ROBO1: variants seen among roughly 807,000 people sequenced by gnomAD.
The protein encoded by ROBO1 is roundabout homolog 1.
ROBO1 carries 149 observed loss-of-function variants against 195.9 expected under a neutral mutation model. The ratio of observed to expected loss-of-function variants is 0.76; its 90% CI spans 0.67 to 0.87. The LOEUF is 0.87. ROBO1 is among the 40% of genes least tolerant of loss of function. ROBO1 has a pLI of 0.00. For missense variants in ROBO1, 1,933 were observed against 2,068.3 expected (o/e 0.93, Z 1.27); for synonymous variants, 816 against 733.2 (o/e 1.11, Z -1.82).
At chr3:79,748,662 T>G (rs531725292) in intron 1 of ROBO1, among the ~76,000 whole-genome samples, 1 of 152,132 alleles carries the variant, frequency 6.6e-6, no homozygotes, top group South Asian at 2.1e-4. Context: ...GGGAGGTGAT[T>G]GAATTATGGG....
intron 4 of ROBO1, among the ~76,000 whole-genome samples, chr3:78,767,160 T>C (rs890280026): frequency 3.9e-5 from 6 of 152,182 alleles, no homozygotes; most frequent in Non-Finnish European, 8.8e-5. Context: ...GTTCCTTCTT[T>C]TTCTGTCTTG....
At chr3:78,953,277 C>A (rs887264601) in intron 3 of ROBO1, among the ~76,000 whole-genome samples, 1 of 151,978 alleles carries the variant, frequency 6.6e-6, no homozygotes, top group East Asian at 1.9e-4. Flanking sequence ...TTGAAGCTGG[C>A]TAGCTGAGTT....
chr3:79,364,126 C>G (rs570006828), intron 2 of ROBO1, among the ~76,000 whole-genome samples: 5 of 151,780 alleles, frequency 3.3e-5, no homozygotes, highest in Non-Finnish European at 7.4e-5. Context: ...ATGGCGTGAA[C>G]CCGGGAGGCG....
At chr3:79,250,232 A>G (rs1382043160) in intron 2 of ROBO1, among the ~76,000 whole-genome samples, 1 of 152,230 alleles carries the variant, frequency 6.6e-6, no homozygotes, top group Non-Finnish European at 1.5e-5. Context: ...TAAGGAGCAC[A>G]GTAATGGTCA....
chr3:78,662,466 T>G (rs543102650), intron 14 of ROBO1, among the ~76,000 whole-genome samples: 1 of 152,280 alleles, frequency 6.6e-6, no homozygotes, highest in African/African-American at 2.4e-5. Context: ...TCCCTGAGTT[T>G]GTGAAAACCT....
intron 2 of ROBO1, among the ~76,000 whole-genome samples, chr3:79,536,634 TTATATC>T (rs1941876378): frequency 1.3e-5 from 2 of 152,208 alleles, no homozygotes; most frequent in South Asian, 4.1e-4. Flanking sequence ...CAGTAAAAGT[TTATATC>T]TATATTAGTG....
chr3:79,141,412 T>C (rs1316397874), intron 2 of ROBO1, among the ~76,000 whole-genome samples: 5 of 152,148 alleles, frequency 3.3e-5, no homozygotes, highest in South Asian at 2.1e-4. Context: ...CTTTTGATTA[T>C]TGGGGTCATT....
intron 1 of ROBO1, among the ~76,000 whole-genome samples, chr3:79,757,707 C>G (rs983416487): frequency 6.6e-6 from 1 of 151,882 alleles, no homozygotes; most frequent in Non-Finnish European, 1.5e-5. Flanking sequence ...ATAATAGTCA[C>G]CCTAATGGAA....
intron 2 of ROBO1, among the ~76,000 whole-genome samples, chr3:79,206,271 A>G (rs962550943): frequency 6.6e-6 from 1 of 152,082 alleles, no homozygotes; most frequent in Non-Finnish European, 1.5e-5. Context: ...AGTAATCATT[A>G]TTTTACTTAA....
chr3:79,337,551 C>T (rs2034729838), intron 2 of ROBO1, among the ~76,000 whole-genome samples: 1 of 152,188 alleles, frequency 6.6e-6, no homozygotes, highest in Admixed American at 6.5e-5. Context: ...CTATTTGGAA[C>T]TGTGAGTCAA....
intron 2 of ROBO1, among the ~76,000 whole-genome samples, chr3:79,347,374 A>T (rs2035162888): frequency 6.6e-6 from 1 of 152,176 alleles, no homozygotes; most frequent in Non-Finnish European, 1.5e-5. Flanking sequence ...ATATCTTAGC[A>T]TGTTTGTTGG....
chr3:79,247,143 G>C (rs75710484), intron 2 of ROBO1, among the ~76,000 whole-genome samples: 1 of 104,898 alleles, frequency 9.5e-6, no homozygotes, highest in African/African-American at 4.7e-5. Flanking sequence ...TTTTTTTTTT[G>C]TAAGAAGTAT....
intron 4 of ROBO1, among the ~76,000 whole-genome samples, chr3:78,798,357 A>C (rs1439509546): frequency 6.6e-6 from 1 of 152,190 alleles, no homozygotes; most frequent in African/African-American, 2.4e-5. Context: ...GAGCAGATGC[A>C]TCAAATACCT....
At position 78,793,250 on chromosome 3, in the gene ROBO1, G is replaced by A. The variant is rs541307457; in HGVS notation, c.500-46350C>T. Among the ~76,000 whole-genome samples the A allele has an allele frequency of 3.3e-5, 5 of 151,888 alleles. No homozygotes were observed. The South Asian group carries it at 6.3e-4, about 19-fold the overall frequency. ...ATTCATGGAGTTGTAATACAAATAC[G>A]AGTTCATTAAATCTCAAAAACTTCA... On this transcript the variant is annotated intron_variant, in intron 4 of 30. Coordinates refer to ENST00000464233, the MANE Select transcript of ROBO1 (RefSeq NM_002941.4).
chr3:79,120,116 C>T (rs912274068), intron 3 of ROBO1, among the ~76,000 whole-genome samples: 2 of 151,912 alleles, frequency 1.3e-5, no homozygotes, highest in African/African-American at 4.8e-5. Flanking sequence ...CCTCATATAC[C>T]CCCATGTACT....
chr3:78,670,848 C>T, intron 10 of ROBO1, among the ~76,000 whole-genome samples: 1 of 152,140 alleles, frequency 6.6e-6, no homozygotes, highest in East Asian at 1.9e-4. Flanking sequence ...ATTGAGTTCC[C>T]TGTGTCTTTT....
intron 1 of ROBO1, among the ~76,000 whole-genome samples, chr3:79,728,801 C>G (rs1209947189): frequency 1.3e-5 from 2 of 151,978 alleles, no homozygotes; most frequent in African/African-American, 2.4e-5. Flanking sequence ...CTTTATTAAG[C>G]CATTTAATGA....
intron 2 of ROBO1, among the ~76,000 whole-genome samples, chr3:79,271,262 A>T (rs1559779738): frequency 6.6e-6 from 1 of 151,948 alleles, no homozygotes; most frequent in Non-Finnish European, 1.5e-5. Flanking sequence ...ATGTAACTGA[A>T]TCTATCATTT....
chr3:79,362,530 T>C (rs2035810442), intron 2 of ROBO1, among the ~76,000 whole-genome samples: 1 of 152,162 alleles, frequency 6.6e-6, no homozygotes, highest in Non-Finnish European at 1.5e-5. Context: ...TCTAGAAATG[T>C]TTGTGAACTG....
Sources: gnomAD v4.1 joint callset for allele counts (sites outside exome capture counted in the v4.1 genomes callset) on GRCh38, gnomAD v4.1.1 for gene constraint, MANE v1.5 for transcripts, NCBI Gene and HGNC (gene_info 2026-07-23, HGNC 2026-07-21) for gene names.